CFD: variants seen among roughly 807,000 people sequenced by gnomAD.
CFD encodes the protein C3 convertase activator.
Under a neutral mutation model 21.1 loss-of-function variants are expected in CFD, and 24 were observed. The observed-to-expected ratio is 1.14, with a 90% CI of 0.82 to 1.60. The LOEUF (loss-of-function observed/expected upper bound fraction) is 1.60, where lower values mean the gene tolerates loss of function less well. Among genes scored for constraint, CFD ranks in the 40% most tolerant of loss-of-function variants. The probability of loss-of-function intolerance (pLI) is 0.00; values close to 1 mark genes in which losing one functional copy is unlikely to be tolerated. For missense variants in CFD, 535 were observed against 383.3 expected (o/e 1.40, Z -3.31); for synonymous variants, 242 against 175.9 (o/e 1.38, Z -2.97).
chr19:859,785 A>G, intron 1 of CFD, 41 bp downstream of exon 1: 2 of 1,487,908 alleles, frequency 1.3e-6, no homozygotes, highest in East Asian at 4.8e-5. Flanking sequence ...AGGGCTGTGT[A>G]GGGGCGTGGT....
In CFD at chr19:863,566, C is replaced by A; in HGVS notation, c.*328C>A. 1 of 349,940 alleles carries A rather than the reference C, an allele frequency of 2.9e-6. No individual in the cohort carries two copies. The highest frequency in any genetic ancestry group is 5.4e-6 in the Non-Finnish European group (1 of 186,330). 21.7% of individuals were successfully genotyped at this position (349,940 alleles called of 1,614,324 possible). On this transcript the variant is annotated 3_prime_UTR_variant, in exon 5 of 5. Coordinates refer to ENST00000327726, the MANE Select transcript of CFD (RefSeq NM_001928.4). ...GCAGTGAGTTGTGATTGCACCACTG[C>A]CCTCCAGCCTGGGCAACAGAGTGAA...
chr19:862,620 G>C (rs1599302994), intron 4 of CFD, among the ~76,000 whole-genome samples: 1 of 151,862 alleles, frequency 6.6e-6, no homozygotes, highest in Non-Finnish European at 1.5e-5. Context: ...GAGCAGGGCA[G>C]AGGTTTAAGA....
chr19:861,830 G>A lies in CFD; in HGVS notation c.489G>A (p.Pro163=), dbSNP rs2035799669. ...TAGTCAACCACGCGGGCCGCCGCCCGGACAGCCTGCAGCACGTGCTCTTGC... is the reference window on the plus strand; with the variant it reads ...TAGTCAACCACGCGGGCCGCCGCCCAGACAGCCTGCAGCACGTGCTCTTGC... ...WGIVNHAGRR[P]DSLQHVLLPV... is the part of the protein sequence containing the mutation. Residue 163 remains proline, a synonymous_variant, in exon 4 of 5, where the codon CCG becomes CCA. Coordinates refer to ENST00000327726, the MANE Select transcript of CFD (RefSeq NM_001928.4). The A allele has an allele frequency of 1.2e-6, 2 of 1,601,358 alleles. No homozygotes were observed. Among genetic ancestry groups the A allele is most frequent in the Non-Finnish European group, 1.7e-6 (2 of 1,178,816 alleles).
At chr19:861,059 C>T in intron 3 of CFD, 54 bp downstream of exon 3, 1 of 1,561,630 alleles carries the variant, frequency 6.4e-7, no homozygotes, top group African/African-American at 1.4e-5. Flanking sequence ...CCGGCCCACC[C>T]TCACTCCACC....
rs147192616 is a variant in CFD, at chr19:859,706, G to A, written c.17G>A (p.Arg6His). The change falls in exon 1 of 5, where the codon CGC (arginine) becomes CAC (histidine). Residue 6 changes from arginine (R) to histidine (H), a missense_variant. Arg to His is a conservative substitution (Grantham distance 29). Coordinates refer to ENST00000327726, the MANE Select transcript of CFD (RefSeq NM_001928.4). ...GGCTTCACCATGCACAGCTGGGAGC[G>A]CCTGGCAGTTCTGGTCCTCCTAGGA... MHSWE[R>H]LAVLVLLGAA... The A allele has an allele frequency of 4.5e-5, 71 of 1,573,126 alleles. No individual in the cohort carries two copies. In the African/African-American group the frequency reaches 7.8e-4, roughly 17 times the overall value.
Position 860,771 on chromosome 19 carries a change from C to T in CFD, c.210C>T (p.Asp70=). 6.4e-7 allele frequency: 1 copy of T among 1,565,132 alleles called. No individual in the cohort carries two copies. Among genetic ancestry groups the T allele is most frequent in the Non-Finnish European group, 8.6e-7 (1 of 1,164,430 alleles). Residue 70 remains aspartate, a splice_region_variant and synonymous_variant, in exon 2 of 5, where the codon GAC becomes GAT. Transcript: ENST00000327726. ...TGAGCGCGGCGCACTGCCTGGAGGA[C>T]GCGTGAGTGCCCGCGCCGCGCGGGG... is the stretch of plus-strand genomic sequence containing the variant. ...WVLSAAHCLE[D]AADGKVQVLL... is the part of the protein sequence containing the mutation.
In CFD at chr19:860,750, C is replaced by T; in HGVS notation, c.189C>T (p.Ser63=). 2 of 1,567,710 alleles carry T rather than the reference C, an allele frequency of 1.3e-6. No homozygotes were observed. Among genetic ancestry groups the T allele is most frequent in the Non-Finnish European group, 1.7e-6 (2 of 1,166,132 alleles). ...GVLVAEQWVL[S]AAHCLEDAAD... is the part of the protein sequence containing the mutation. The stretch of plus-strand genomic sequence containing the variant: ...TGGTGGCGGAGCAGTGGGTGCTGAG[C>T]GCGGCGCACTGCCTGGAGGACGCGT... Residue 63 remains serine, a synonymous_variant, in exon 2 of 5, where the codon AGC becomes AGT. Coordinates refer to ENST00000327726, the MANE Select transcript of CFD (RefSeq NM_001928.4).
intron 4 of CFD, 57 bp downstream of exon 4, chr19:862,013 C>T (rs1017349301): frequency 6.7e-6 from 10 of 1,503,718 alleles, no homozygotes; most frequent in Non-Finnish European, 7.9e-6. Context: ...GAAGGGCCTG[C>T]AGAGGGAGCG....
rs779303849 is a variant in CFD, at chr19:861,900, G to A, written c.559G>A (p.Gly187Ser). The change falls in exon 4 of 5, where the codon GGC becomes AGC. Residue 187 changes from glycine to serine, a missense_variant. Gly to Ser is a moderately conservative substitution (Grantham distance 56). Transcript: ENST00000327726. ...CTGCAACCGGCGCACGCACCACGACGGCGCCATCACCGAGCGCTTGATGTG... is the reference window on the plus strand; with the variant it reads ...CTGCAACCGGCGCACGCACCACGACAGCGCCATCACCGAGCGCTTGATGTG... ...ATCNRRTHHD[G>S]AITERLMCAE... is the part of the protein sequence containing the mutation. The A allele has an allele frequency of 1.3e-6, 2 of 1,580,934 alleles. No homozygotes were observed. The highest frequency in any genetic ancestry group is 2.3e-5 in the East Asian group (1 of 43,748).
At chr19:861,039 G>C (rs767561501) in intron 3 of CFD, 34 bp downstream of exon 3, 1 of 1,588,934 alleles carries the variant, frequency 6.3e-7, no homozygotes, top group Admixed American at 1.7e-5. Context: ...CTCCTGCGGC[G>C]CTGGGATCCC....
chr19:859,739 C>A lies in CFD; in HGVS notation c.50C>A (p.Ala17Asp). The A allele has an allele frequency of 6.4e-7, 1 of 1,570,904 alleles. No individual in the cohort carries two copies. Among genetic ancestry groups the A allele is most frequent in the Non-Finnish European group, 8.6e-7 (1 of 1,158,228 alleles). Residue 17 changes from alanine (A) to aspartate (D), a missense_variant, in exon 1 of 5, where the codon GCC becomes GAC. Transcript: ENST00000327726. ...GTTCTGGTCCTCCTAGGAGCGGCCG[C>A]CTGCGGTGAGGAGGCCTGGGCCTGG... ...LAVLVLLGAA[A>D]CAAPPRGRIL...
At chr19:860,430 A>ACCCCCCCC (rs57197777) in intron 1 of CFD, among the ~76,000 whole-genome samples, 187 bp from the exon 2 acceptor site, 12 of 140,426 alleles carry the variant, frequency 8.5e-5, no homozygotes, top group South Asian at 4.5e-4. Flanking sequence ...CATGATCTGC[A>ACCCCCCCC]CCCCCCCCTC....
intron 1 of CFD, among the ~76,000 whole-genome samples, chr19:860,158 AG>A (rs1428379832): frequency 2.0e-5 from 3 of 150,418 alleles, no homozygotes; most frequent in Admixed American, 2.0e-4. Context: ...TGCAACGCTG[AG>A]GGGCCCCAAG....
In CFD at chr19:863,175, G is replaced by C; in HGVS notation, c.699G>C (p.Lys233Asn). 1.3e-6 allele frequency: 2 copies of C among 1,517,268 alleles called. No homozygotes were observed. The highest frequency in any genetic ancestry group is 2.4e-5 in the South Asian group (2 of 83,242). 94.0% of individuals were successfully genotyped at this position (1,517,268 alleles called of 1,614,324 possible). Residue 233 changes from lysine (K) to asparagine (N), a missense_variant, in exon 5 of 5, where the codon AAG (lysine) becomes AAC (asparagine). Transcript: ENST00000327726. ...TSGSRVCGNR[K>N]KPGIYTRVAS... The stretch of plus-strand genomic sequence containing the variant: ...GCTCGCGCGTTTGCGGCAACCGCAA[G>C]AAGCCCGGGATCTACACCCGCGTGG...
At position 862,029 on chromosome 19, in the gene CFD, CG is replaced by C. The variant is rs902238524; in HGVS notation, c.615+79del. The C allele has an allele frequency of 1.5e-5, 20 of 1,323,258 alleles. No homozygotes were observed. The African/African-American group carries it at 2.1e-4, about 14-fold the overall frequency. 82.0% of individuals were successfully genotyped at this position (1,323,258 alleles called of 1,614,324 possible). On this transcript the variant is annotated intron_variant, in intron 4 of 4. Coordinates refer to ENST00000327726, the MANE Select transcript of CFD (RefSeq NM_001928.4). Reference sequence around the variant, plus strand: ...AAGGGCCTGCAGAGGGAGCGCGAAGCGGGGGGCAAGTAGGAACAGGGCCCAG... The same window carrying C: ...AAGGGCCTGCAGAGGGAGCGCGAAGCGGGGGCAAGTAGGAACAGGGCCCAG...
At chr19:862,511 G>A (rs2035815348) in intron 4 of CFD, among the ~76,000 whole-genome samples, 1 of 144,386 alleles carries the variant, frequency 6.9e-6, no homozygotes, top group African/African-American at 2.6e-5. Flanking sequence ...GGCGGGGCAT[G>A]GGGACGGGGC....
intron 4 of CFD, 50 bp downstream of exon 4, chr19:862,006 G>C: frequency 4.0e-6 from 6 of 1,508,932 alleles, no homozygotes; most frequent in South Asian, 1.2e-5. Context: ...GCCCCGGGAA[G>C]GGCCTGCAGA....
At chr19:861,592 C>CG (rs1358288873) in intron 3 of CFD, 107 bp from the exon 4 acceptor site, 34 of 1,379,370 alleles carry the variant, frequency 2.5e-5, no homozygotes, top group Non-Finnish European at 2.6e-5. Context: ...AGACCCACGC[C>CG]CCTGCCCTGA....
rs534009743 is a variant in CFD, at chr19:861,605, C to T, written c.358-94C>T. On this transcript the variant is annotated intron_variant, in intron 3 of 4. Transcript: ENST00000327726. ...TGAGACCCACGCCCCTGCCCTGATG[C>T]CCACCTCCCCCGTCCCGTCTCCCCG... The T allele has an allele frequency of 3.3e-5, 48 of 1,457,944 alleles. No individual in the cohort carries two copies. In the African/African-American group the frequency reaches 6.1e-4, roughly 18 times the overall value. The allele number at this position is 1,457,944 out of a possible 1,614,324, so 90.3% of individuals were successfully genotyped here.
Sources: gnomAD v4.1 joint callset for allele counts (sites outside exome capture counted in the v4.1 genomes callset) on GRCh38, gnomAD v4.1.1 for gene constraint, MANE v1.5 for transcripts, NCBI Gene and HGNC (gene_info 2026-07-23, HGNC 2026-07-21) for gene names.